The following LARGE1 variants were observed in gnomAD, a reference collection of about 807,000 sequenced individuals.
The protein encoded by LARGE1 is xylosyl- and glucuronyltransferase LARGE1.
LARGE1 carries 43 observed loss-of-function variants against 87.6 expected under a neutral mutation model. The ratio of observed to expected loss-of-function variants is 0.49; its 90% CI spans 0.38 to 0.63. The LOEUF (loss-of-function observed/expected upper bound fraction) is 0.63. LARGE1 is among the 30% of genes least tolerant of loss of function. LARGE1 has a pLI of 0.00. For missense variants in LARGE1, 802 were observed against 1,000.2 expected (o/e 0.80, Z 2.67); for synonymous variants, 434 against 394.6 (o/e 1.10, Z -1.18).
chr22:33,071,906 C>T, the LARGE1 span, among the ~76,000 whole-genome samples: 1 of 152,294 alleles, frequency 6.6e-6, no homozygotes, highest in East Asian at 1.9e-4. Flanking sequence ...CTGACTCTTC[C>T]CACGTGGGGC....
At chr22:33,738,704 G>T (rs994752791) in intron 2 of LARGE1, among the ~76,000 whole-genome samples, 1 of 152,092 alleles carries the variant, frequency 6.6e-6, no homozygotes, top group Non-Finnish European at 1.5e-5. Context: ...AATTAGCCAG[G>T]TGCAGTGGCA....
intron 2 of LARGE1, among the ~76,000 whole-genome samples, chr22:33,705,825 C>T (rs1029093565): frequency 3.3e-5 from 5 of 152,162 alleles, no homozygotes; most frequent in Non-Finnish European, 7.3e-5. Context: ...ATAATGTTTT[C>T]GATGATGATA....
intron 2 of LARGE1, among the ~76,000 whole-genome samples, chr22:33,652,609 C>T (rs1337933575): frequency 6.6e-6 from 1 of 152,140 alleles, no homozygotes; most frequent in East Asian, 1.9e-4. Flanking sequence ...TCTCAGCTGC[C>T]TGTCAAAAAA....
chr22:33,561,952 G>A (rs1168624680), intron 6 of LARGE1, among the ~76,000 whole-genome samples: 3 of 152,182 alleles, frequency 2.0e-5, no homozygotes, highest in Non-Finnish European at 2.9e-5. Flanking sequence ...GGAATCAAGC[G>A]CAATCTGACC....
chr22:33,895,588 G>A (rs2065121020), intron 1 of LARGE1, among the ~76,000 whole-genome samples: 1 of 152,186 alleles, frequency 6.6e-6, no homozygotes, highest in Non-Finnish European at 1.5e-5. Context: ...TTGTGCCTGA[G>A]GTCCTTGCCT....
At chr22:33,560,420 T>C (rs1247606451) in intron 6 of LARGE1, among the ~76,000 whole-genome samples, 1 of 152,282 alleles carries the variant, frequency 6.6e-6, no homozygotes, top group East Asian at 1.9e-4. Context: ...ATACCTGCTG[T>C]AGGGTGAGAA....
chr22:33,335,717 G>A (rs1013720291), intron 10 of LARGE1, among the ~76,000 whole-genome samples: 1 of 152,088 alleles, frequency 6.6e-6, no homozygotes, highest in Non-Finnish European at 1.5e-5. Flanking sequence ...CCCCGAACCT[G>A]TCCTGCCTCA....
At chr22:33,705,122 C>T (rs561799946) in intron 2 of LARGE1, among the ~76,000 whole-genome samples, 4 of 152,286 alleles carry the variant, frequency 2.6e-5, no homozygotes, top group East Asian at 3.9e-4. Context: ...ACGTCTCATG[C>T]GTCTGACAGG....
intron 7 of LARGE1, among the ~76,000 whole-genome samples, chr22:33,394,321 C>A (rs2065643348): frequency 6.6e-6 from 1 of 151,946 alleles, no homozygotes; most frequent in Admixed American, 6.6e-5. Flanking sequence ...GCCTCAGCCT[C>A]CTGAGTAGCT....
chr22:33,157,573 A>G, downstream of LARGE1, among the ~76,000 whole-genome samples: 1 of 152,116 alleles, frequency 6.6e-6, no homozygotes, highest in East Asian at 1.9e-4. Flanking sequence ...TCATTGTCTT[A>G]CCTCTGCATA....
At chr22:33,079,183 G>A in the LARGE1 span, among the ~76,000 whole-genome samples, 11 of 151,192 alleles carry the variant, frequency 7.3e-5, no homozygotes, top group Non-Finnish European at 1.5e-4. Context: ...AGAGGCAGCG[G>A]TGCCTGACAT....
At chr22:33,520,317 C>G (rs1163744697) in intron 6 of LARGE1, among the ~76,000 whole-genome samples, 4 of 152,122 alleles carry the variant, frequency 2.6e-5, no homozygotes, top group Admixed American at 6.6e-5. Flanking sequence ...CTAAATCAAT[C>G]CTTGCACCTC....
intron 1 of LARGE1, among the ~76,000 whole-genome samples, chr22:33,852,307 TGAA>T (rs2063610472): frequency 6.6e-6 from 1 of 152,040 alleles, no homozygotes; most frequent in African/African-American, 2.4e-5. Flanking sequence ...TGCTCCCAGA[TGAA>T]GTTTTTTTTT....
chr22:33,321,792 A>G (rs1304210584), intron 10 of LARGE1, among the ~76,000 whole-genome samples: 1 of 152,152 alleles, frequency 6.6e-6, no homozygotes, highest in East Asian at 1.9e-4. Context: ...ACATGCATGT[A>G]TGGGGGTTTC....
At chr22:33,102,273 A>G in the LARGE1 span, among the ~76,000 whole-genome samples, 1 of 150,934 alleles carries the variant, frequency 6.6e-6, no homozygotes, top group Non-Finnish European at 1.5e-5. Flanking sequence ...GGTTCAAGCG[A>G]TTCTCCTGCC....
At chr22:33,840,211 C>A (rs1397543138) in intron 1 of LARGE1, among the ~76,000 whole-genome samples, 1 of 152,030 alleles carries the variant, frequency 6.6e-6, no homozygotes, top group African/African-American at 2.4e-5. Context: ...AGCACTGCAC[C>A]AAATCGGCAC....
chr22:33,628,351 C>T (rs1214197008), intron 3 of LARGE1, among the ~76,000 whole-genome samples: 1 of 146,752 alleles, frequency 6.8e-6, no homozygotes, highest in Non-Finnish European at 1.5e-5. Flanking sequence ...GAATCTCACT[C>T]TGTCACCTAG....
In LARGE1 at chr22:33,197,364, A is replaced by G. The variant is rs181219190; in HGVS notation, c.1731-30532T>C. Among the ~76,000 whole-genome samples the G allele has an allele frequency of 9.9e-5, 15 of 152,194 alleles. 1 individual carries two copies. The East Asian group carries it at 2.7e-3, about 27-fold the overall frequency. ...AGGAAGGAAAACTGTCTTCATTTAC[A>G]GAAAATGTGATTGTTTATATATAAA... is the stretch of plus-strand genomic sequence containing the variant. On this transcript the variant is annotated intron_variant, in intron 11 of 11. Transcript: ENST00000608642.
chr22:33,246,793 T>A (rs1926779484), intron 11 of LARGE1, among the ~76,000 whole-genome samples: 1 of 152,192 alleles, frequency 6.6e-6, no homozygotes. Context: ...ATATATGACA[T>A]AGAGTGTGGT....
Sources: gnomAD v4.1 joint callset for allele counts (sites outside exome capture counted in the v4.1 genomes callset) on GRCh38, gnomAD v4.1.1 for gene constraint, MANE v1.5 for transcripts, NCBI Gene and HGNC (gene_info 2026-07-23, HGNC 2026-07-21) for gene names.